The following PLPPR5 variants were observed in gnomAD, a reference collection of about 807,000 sequenced individuals.
PLPPR5 encodes phospholipid phosphatase-related protein type 5.
Under a neutral mutation model 33.9 loss-of-function variants are expected in PLPPR5, and 16 were observed. The ratio of observed to expected loss-of-function variants is 0.47; its 90% CI spans 0.32 to 0.72. The LOEUF (loss-of-function observed/expected upper bound fraction) is 0.72. PLPPR5 is among the 30% of genes least tolerant of loss of function. The pLI is 0.03. For synonymous variants in PLPPR5, 163 were observed against 150.3 expected, an observed-to-expected ratio of 1.08 and a Z score of -0.62; for missense variants, 301 against 406.7, an observed-to-expected ratio of 0.74 and a Z score of 2.23.
intron 1 of PLPPR5, among the ~76,000 whole-genome samples, chr1:98,971,869 T>G (rs1651674212): frequency 6.6e-6 from 1 of 152,090 alleles, no homozygotes; most frequent in Admixed American, 6.6e-5. Flanking sequence ...AATATTTTCA[T>G]GTTAAGAGTT....
chr1:98,988,428 G>A (rs1026377153), intron 1 of PLPPR5, among the ~76,000 whole-genome samples: 3 of 151,944 alleles, frequency 2.0e-5, no homozygotes, highest in East Asian at 1.9e-4. Flanking sequence ...CCTGTTATTA[G>A]GTTGTAGCCC....
intron 3 of PLPPR5, among the ~76,000 whole-genome samples, chr1:98,927,074 T>G (rs1489058302): frequency 6.6e-6 from 1 of 152,094 alleles, no homozygotes; most frequent in African/African-American, 2.4e-5. Context: ...GGGGCCAGGG[T>G]TGGTAATGGT....
intron 1 of PLPPR5, among the ~76,000 whole-genome samples, chr1:98,981,321 T>C (rs139686692): frequency 9.9e-5 from 15 of 152,202 alleles, no homozygotes; most frequent in Non-Finnish European, 2.1e-4. Context: ...AACAGCTTTA[T>C]GTTCTGAACC....
At chr1:98,954,051 A>G (rs761941947) in intron 2 of PLPPR5, among the ~76,000 whole-genome samples, 1 of 152,168 alleles carries the variant, frequency 6.6e-6, no homozygotes, top group Non-Finnish European at 1.5e-5. Flanking sequence ...TACAGTTTTA[A>G]AATTTATTTG....
At chr1:98,989,692 A>T (rs1227784729) in intron 1 of PLPPR5, among the ~76,000 whole-genome samples, 2 of 152,188 alleles carry the variant, frequency 1.3e-5, no homozygotes, top group Non-Finnish European at 2.9e-5. Context: ...AGAAATCAGA[A>T]TAAGAGACAA....
At chr1:98,984,409 T>C (rs1652180629) in intron 1 of PLPPR5, among the ~76,000 whole-genome samples, 1 of 152,176 alleles carries the variant, frequency 6.6e-6, no homozygotes. Context: ...CATGTATAAG[T>C]ATTTGTCCCT....
At chr1:98,906,343 CAAT>C (rs1025519723) in intron 5 of PLPPR5, among the ~76,000 whole-genome samples, 4 of 151,474 alleles carry the variant, frequency 2.6e-5, no homozygotes, top group African/African-American at 7.3e-5. Context: ...TGGCTTCCAA[CAAT>C]AATATTTATT....
chr1:98,921,482 C>A (rs1360307428), intron 4 of PLPPR5, among the ~76,000 whole-genome samples: 2 of 152,098 alleles, frequency 1.3e-5, no homozygotes, highest in Non-Finnish European at 2.9e-5. Context: ...TAAAAAATAT[C>A]CAAACCAGTC....
chr1:98,931,991 C>T (rs962061652), intron 3 of PLPPR5, among the ~76,000 whole-genome samples: 8 of 152,180 alleles, frequency 5.3e-5, no homozygotes, highest in African/African-American at 1.7e-4. Context: ...TAATTGGATG[C>T]GTGCTTATGT....
chr1:98,967,317 C>T (rs1277701324), intron 1 of PLPPR5, among the ~76,000 whole-genome samples: 2 of 152,124 alleles, frequency 1.3e-5, no homozygotes, highest in Admixed American at 1.3e-4. Context: ...GAAGGCCACT[C>T]ACATCCTCTG....
At chr1:98,964,250 T>C (rs912661515) in intron 1 of PLPPR5, among the ~76,000 whole-genome samples, 1 of 152,208 alleles carries the variant, frequency 6.6e-6, no homozygotes, top group Non-Finnish European at 1.5e-5. Flanking sequence ...TGAAAGCTGT[T>C]TCTAGACAGA....
chr1:98,919,553 T>G (rs1313349189), intron 4 of PLPPR5, among the ~76,000 whole-genome samples: 2 of 152,160 alleles, frequency 1.3e-5, no homozygotes, highest in African/African-American at 4.8e-5. Context: ...GGAATCATCA[T>G]AGAAGGCTCC....
intron 3 of PLPPR5, among the ~76,000 whole-genome samples, chr1:98,935,062 G>A (rs1650126840): frequency 6.6e-6 from 1 of 152,154 alleles, no homozygotes; most frequent in Non-Finnish European, 1.5e-5. Context: ...TGGAGTTGGG[G>A]GTGGATTACA....
At chr1:98,989,328 T>C (rs983286318) in intron 1 of PLPPR5, among the ~76,000 whole-genome samples, 5 of 152,132 alleles carry the variant, frequency 3.3e-5, no homozygotes, top group Non-Finnish European at 7.4e-5. Flanking sequence ...CTTGGTATAC[T>C]GTATTATCTC....
chr1:98,907,441 G>A (rs1030563503), intron 5 of PLPPR5, among the ~76,000 whole-genome samples: 2 of 152,120 alleles, frequency 1.3e-5, no homozygotes, highest in East Asian at 3.9e-4. Flanking sequence ...TGATCCACCT[G>A]CCTTGGCCTC....
At chr1:98,962,191 T>C (rs893842420) in intron 1 of PLPPR5, among the ~76,000 whole-genome samples, 10 of 152,202 alleles carry the variant, frequency 6.6e-5, no homozygotes, top group African/African-American at 2.4e-4. Flanking sequence ...TTATTTATAT[T>C]ATTTTTAATT....
chr1:98,956,602 C>G lies in PLPPR5; in HGVS notation c.370+7G>C, dbSNP rs780278285. The stretch of plus-strand genomic sequence containing the variant: ...GAAATATTAAAAATAATTTAATGAA[C>G]ACATACCAAGAAATCGGACAGTTCG... On this transcript the variant is annotated splice_region_variant and intron_variant, in intron 2 of 5. Coordinates refer to ENST00000263177, the MANE Select transcript of PLPPR5 (RefSeq NM_001037317.2). 6.4e-7 allele frequency: 1 copy of G among 1,570,166 alleles called. No homozygotes were observed. Among genetic ancestry groups the G allele is most frequent in the South Asian group, 1.2e-5 (1 of 81,950 alleles).
At chr1:98,926,464 G>A (rs1649768129) in intron 3 of PLPPR5, among the ~76,000 whole-genome samples, 1 of 147,008 alleles carries the variant, frequency 6.8e-6, no homozygotes, top group Non-Finnish European at 1.5e-5. Flanking sequence ...GTGTGTGTGT[G>A]TGTGTGTGTG....
chr1:98,899,003 A>C (rs945439842), intron 5 of PLPPR5, among the ~76,000 whole-genome samples: 2 of 152,146 alleles, frequency 1.3e-5, no homozygotes, highest in African/African-American at 4.8e-5. Context: ...AAGAAGCTTA[A>C]GGCTTTTCAC....
Sources: allele counts gnomAD v4.1 joint callset (sites outside exome capture counted in the v4.1 genomes callset), GRCh38; gene constraint gnomAD v4.1.1; transcripts MANE v1.5; gene names NCBI Gene and HGNC (gene_info 2026-07-23, HGNC 2026-07-21).